The following DPYSL5 variants were observed in gnomAD, a reference collection of about 807,000 sequenced individuals.
The protein encoded by DPYSL5 is dihydropyrimidinase-related protein 5.
DPYSL5 carries 9 observed loss-of-function variants against 58.4 expected under a neutral mutation model. The ratio of observed to expected loss-of-function variants is 0.15; its 90% CI spans 0.09 to 0.27. The LOEUF (loss-of-function observed/expected upper bound fraction) is 0.27. DPYSL5 is among the 10% of genes least tolerant of loss of function. The pLI is 1.00. For synonymous variants in DPYSL5, 293 were observed against 301.9 expected (o/e 0.97, Z 0.31); for missense variants, 499 against 770.6 (o/e 0.65, Z 4.17).
In DPYSL5 at chr2:26,886,821, A is replaced by C. The variant is rs559538505; in HGVS notation, c.-4-11675A>C. Among the ~76,000 whole-genome samples, 118 of 152,274 alleles carry C rather than the reference A, an allele frequency of 7.7e-4. 1 individual carries two copies. In the South Asian group the frequency reaches 0.024, roughly 31 times the overall value. The stretch of plus-strand genomic sequence containing the variant: ...CCAGCATCCTCCACAACTCCATTTT[A>C]AGAATGGCTCTCCCATTGAGAAGGC... On this transcript the variant is annotated intron_variant, in intron 1 of 12. Transcript: ENST00000288699.
At chr2:26,901,110 G>A (rs926599898) in intron 2 of DPYSL5, among the ~76,000 whole-genome samples, 1 of 152,054 alleles carries the variant, frequency 6.6e-6, no homozygotes, top group Non-Finnish European at 1.5e-5. Flanking sequence ...CCTGTGTGAC[G>A]AAAGGCCCCA....
chr2:26,930,402 G>A (rs1448269245), intron 5 of DPYSL5, among the ~76,000 whole-genome samples: 1 of 152,222 alleles, frequency 6.6e-6, no homozygotes, highest in Non-Finnish European at 1.5e-5. Flanking sequence ...GGGGAAATTT[G>A]ACAATATCTA....
intron 1 of DPYSL5, among the ~76,000 whole-genome samples, chr2:26,867,456 T>TTG (rs1666173529): frequency 7.3e-6 from 1 of 136,458 alleles, no homozygotes; most frequent in African/African-American, 2.9e-5. Flanking sequence ...TTTTTTTTTG[T>TTG]TTGTTTTTTT....
chr2:26,894,734 G>C (rs1663971095), intron 1 of DPYSL5, among the ~76,000 whole-genome samples: 2 of 152,130 alleles, frequency 1.3e-5, no homozygotes, highest in Non-Finnish European at 2.9e-5. Flanking sequence ...GCCGTTTCTA[G>C]GCTTTCTTTA....
At chr2:26,894,564 T>C (rs780542270) in intron 1 of DPYSL5, among the ~76,000 whole-genome samples, 5 of 152,212 alleles carry the variant, frequency 3.3e-5, no homozygotes, top group Non-Finnish European at 7.3e-5. Context: ...GGCCTTCTGT[T>C]AATGATGGTT....
At chr2:26,887,953 A>G (rs1020485342) in intron 1 of DPYSL5, among the ~76,000 whole-genome samples, 1 of 152,214 alleles carries the variant, frequency 6.6e-6, no homozygotes, top group East Asian at 1.9e-4. Context: ...ATATCCAAAG[A>G]TAGCCACCAT....
rs1664858593 is a variant in DPYSL5 at position 26,927,548 on chromosome 2, A to G, written c.600+116A>G. On this transcript the variant is annotated intron_variant, in intron 4 of 12. Transcript: ENST00000288699. The surrounding 1 kb of genome is among the most constrained non-coding windows in gnomAD (Gnocchi z 4.3). ...CAGGATTCAGACAAAATCAGTTGTT[A>G]AAGTGTGAGGTGTGGACACCCCAGC... 3 of 1,353,764 alleles carry G rather than the reference A, an allele frequency of 2.2e-6. No individual in the cohort carries two copies. Among genetic ancestry groups the G allele is most frequent in the Non-Finnish European group, 3.0e-6 (3 of 1,003,220 alleles). 83.9% of individuals were successfully genotyped at this position (1,353,764 alleles called of 1,614,324 possible).
rs140854801 is a variant in DPYSL5 at position 26,945,830 on chromosome 2, G to A, written c.1609+1006G>A. On this transcript the variant is annotated intron_variant, in intron 12 of 12. Coordinates refer to ENST00000288699, the MANE Select transcript of DPYSL5 (RefSeq NM_020134.4). ...ACAAGCCCCATACACAAACCATCCTGCTGTGAGAACAGAGGGCTAAACCAG... is the reference window on the plus strand; with the variant it reads ...ACAAGCCCCATACACAAACCATCCTACTGTGAGAACAGAGGGCTAAACCAG... Among the ~76,000 whole-genome samples, 89 of 152,380 alleles carry A rather than the reference G, an allele frequency of 5.8e-4. 2 individuals are homozygous for A. Among genetic ancestry groups the A allele is most frequent in the African/African-American group, 2.0e-3 (83 of 41,596 alleles).
intron 5 of DPYSL5, among the ~76,000 whole-genome samples, chr2:26,928,633 T>C: frequency 6.9e-6 from 1 of 145,654 alleles, no homozygotes; most frequent in East Asian, 2.0e-4. Context: ...GCCCAGGAGG[T>C]TGAGGCTGCA....
chr2:26,916,896 G>C (rs1461462080), intron 2 of DPYSL5, among the ~76,000 whole-genome samples: 1 of 152,134 alleles, frequency 6.6e-6, no homozygotes, highest in Admixed American at 6.5e-5. Context: ...TTCTTCTTCT[G>C]GAGCATCTGA....
In DPYSL5 at chr2:26,925,413, A is replaced by G. The variant is rs1664804742; in HGVS notation, c.420+368A>G. ...GAGCAGGGCTCAGGTGCAGAGGGTC[A>G]TATCCCATATCCTATGTGTACTGAG... On this transcript the variant is annotated intron_variant, in intron 3 of 12. Transcript: ENST00000288699. This position sits in a 1 kb window ranked among gnomAD's most constrained non-coding sequence, Gnocchi z 4.5. 6.6e-6 allele frequency among the ~76,000 whole-genome samples: 1 copy of G among 152,154 alleles called. No homozygotes were observed. The highest frequency in any genetic ancestry group is 2.4e-5 in the African/African-American group (1 of 41,436).
Position 26,925,936 on chromosome 2 carries a change from C to T in DPYSL5, c.420+891C>T, listed in dbSNP as rs564461206. On this transcript the variant is annotated intron_variant, in intron 3 of 12. Coordinates refer to ENST00000288699, the MANE Select transcript of DPYSL5 (RefSeq NM_020134.4). The surrounding 1 kb of genome is among the most constrained non-coding windows in gnomAD (Gnocchi z 4.5). ...ACTCAGGAACTGCCTCTTCATTTTC[C>T]GTCAAAAACCCACTTGTAACTGCTG... is the stretch of plus-strand genomic sequence containing the variant. 1.3e-5 allele frequency among the ~76,000 whole-genome samples: 2 copies of T among 152,258 alleles called. No homozygotes were observed. The highest frequency in any genetic ancestry group is 2.4e-5 in the African/African-American group (1 of 41,542).
At chr2:26,874,994 A>G (rs1663372147) in intron 1 of DPYSL5, among the ~76,000 whole-genome samples, 1 of 152,122 alleles carries the variant, frequency 6.6e-6, no homozygotes, top group Non-Finnish European at 1.5e-5. Context: ...TTAGTTCTCT[A>G]ATTTCTTTCA....
At chr2:26,851,695 C>T (rs1003542085) in intron 1 of DPYSL5, among the ~76,000 whole-genome samples, 3 of 152,298 alleles carry the variant, frequency 2.0e-5, no homozygotes, top group Admixed American at 6.5e-5. Flanking sequence ...GTAATCCCAA[C>T]ACTTTGGGAG....
At chr2:26,931,054 G>A (rs930003403) in intron 5 of DPYSL5, among the ~76,000 whole-genome samples, 34 of 149,000 alleles carry the variant, frequency 2.3e-4, no homozygotes, top group African/African-American at 7.7e-4. Flanking sequence ...TGGGAGGATC[G>A]CTTGAGCCCT....
intron 1 of DPYSL5, among the ~76,000 whole-genome samples, chr2:26,897,026 T>G (rs1398056775): frequency 6.6e-6 from 1 of 152,232 alleles, no homozygotes; most frequent in Non-Finnish European, 1.5e-5. Flanking sequence ...ATATTGATCT[T>G]GTAACTTGTG....
At chr2:26,931,199 GTGTGTATA>G (rs1299608157) in intron 5 of DPYSL5, among the ~76,000 whole-genome samples, 5 of 52,852 alleles carry the variant, frequency 9.5e-5, no homozygotes, top group South Asian at 9.2e-4. Context: ...GTGTGTGTGT[GTGTGTATA>G]TATATATATA....
intron 1 of DPYSL5, among the ~76,000 whole-genome samples, chr2:26,852,865 T>TG (rs1297574063): frequency 2.6e-5 from 4 of 152,230 alleles, no homozygotes; most frequent in Non-Finnish European, 4.4e-5. Context: ...GAGCAGCATC[T>TG]GGCATCTTGT....
chr2:26,903,802 C>T (rs1450450050), intron 2 of DPYSL5, among the ~76,000 whole-genome samples: 1 of 152,216 alleles, frequency 6.6e-6, no homozygotes, highest in African/African-American at 2.4e-5. Flanking sequence ...GGGCCCAGAG[C>T]TTCTGTGCTT....
Sources: allele counts gnomAD v4.1 joint callset (sites outside exome capture counted in the v4.1 genomes callset), GRCh38; gene constraint gnomAD v4.1.1; non-coding constraint Gnocchi (gnomAD v3.1); transcripts MANE v1.5; gene names NCBI Gene and HGNC (gene_info 2026-07-23, HGNC 2026-07-21).